MUTYH: variants seen among roughly 807,000 people sequenced by gnomAD.
The protein encoded by MUTYH is adenine DNA glycosylase.
Under a neutral mutation model 72.9 loss-of-function variants are expected in MUTYH, and 64 were observed. That is an observed-to-expected ratio of 0.88 (90% CI 0.72 to 1.08). The LOEUF is 1.08. Among genes scored for constraint, MUTYH ranks in the 50% least tolerant of loss-of-function variants. The pLI is 0.00. For synonymous variants in MUTYH, 234 were observed against 263.1 expected, an observed-to-expected ratio of 0.89 and a Z score of 1.07; for missense variants, 633 against 671.0, an observed-to-expected ratio of 0.94 and a Z score of 0.63.
chr1:45,333,051 A>C, intron 5 of MUTYH, 46 bp downstream of exon 5: 2 of 1,612,738 alleles, frequency 1.2e-6, no homozygotes, highest in Non-Finnish European at 1.7e-6. Flanking sequence ...AGAGGCTCTC[A>C]TCTGGGGTCT....
At position 45,330,380 on chromosome 1, in the gene MUTYH, C is replaced by T. The variant is rs966768206; in HGVS notation, c.1434+136G>A. 3.9e-6 allele frequency: 4 copies of T among 1,038,082 alleles called. No individual in the cohort carries two copies. In the African/African-American group the frequency reaches 4.8e-5, roughly 12 times the overall value. 64.3% of individuals were successfully genotyped at this position (1,038,082 alleles called of 1,614,324 possible). On this transcript the variant is annotated intron_variant, in intron 15 of 15. Coordinates refer to ENST00000456914, the MANE Select transcript of MUTYH (RefSeq NM_001048174.2). The stretch of plus-strand genomic sequence containing the variant: ...CCTGCACCCCACAATGGAAGGTCTC[C>T]AGGTCAAGAACTATTCCTCCCTCCA...
intron 15 of MUTYH, 105 bp downstream of exon 15, chr1:45,330,411 G>A (rs993160057): frequency 1.6e-6 from 2 of 1,260,258 alleles, no homozygotes; most frequent in Non-Finnish European, 2.3e-6. Flanking sequence ...CTCCAGTGAA[G>A]CCTGGAGTGG....
At chr1:45,340,097 C>G, upstream of MUTYH, 1 of 1,550,454 alleles carries the variant, frequency 6.4e-7, no homozygotes, top group Middle Eastern at 2.0e-4. Flanking sequence ...AGGCTGCCTT[C>G]CCCGCGCCGG....
In MUTYH at chr1:45,330,443, G is replaced by A. The variant is rs3219495; in HGVS notation, c.1434+73C>T. 0.013 allele frequency: 18,919 copies of A among 1,470,990 alleles called. 2,054 individuals are homozygous for A. The African/African-American group carries it at 0.23, about 18-fold the overall frequency. The allele number at this position is 1,470,990 out of a possible 1,614,324, so 91.1% of individuals were successfully genotyped here. On this transcript the variant is annotated intron_variant, in intron 15 of 15. Coordinates refer to ENST00000456914, the MANE Select transcript of MUTYH (RefSeq NM_001048174.2). ...GTGGAGAATGTTCACCCAGACATTC[G>A]TTAGTTAACTGACTAAAAACCTATG... is the stretch of plus-strand genomic sequence containing the variant.
chr1:45,338,350 G>A, intron 1 of MUTYH: 1 of 498,718 alleles, frequency 2.0e-6, no homozygotes, highest in Admixed American at 2.4e-5. Flanking sequence ...CCTCAAGTGT[G>A]TCTGCCCACC....
At position 45,333,084 on chromosome 1, in the gene MUTYH, C is replaced by T. The variant is rs1553129511; in HGVS notation, c.378+13G>A. The T allele has an allele frequency of 2.5e-6, 4 of 1,614,198 alleles. No individual in the cohort carries two copies. Among genetic ancestry groups the T allele is most frequent in the Non-Finnish European group, 2.5e-6 (3 of 1,180,024 alleles). On this transcript the variant is annotated intron_variant, in intron 5 of 15. Transcript: ENST00000456914. ...TCTGACCCATGACCCTTCCCTTCCT[C>T]CCCTGGAGTCACCTGCATCCATCCG...
intron 2 of MUTYH, 102 bp from the exon 3 acceptor site, chr1:45,333,663 C>A (rs1012545880): frequency 1.3e-6 from 2 of 1,516,796 alleles, no homozygotes; most frequent in African/African-American, 2.8e-5. Flanking sequence ...CTTAGGGCTT[C>A]CCCCAACTAA....
At chr1:45,340,304 G>A (rs2149249877), upstream of MUTYH, 1 of 1,612,552 alleles carries the variant, frequency 6.2e-7, no homozygotes, top group African/African-American at 1.3e-5. Flanking sequence ...AGCTTCCGAC[G>A]GTGAGCGGCT....
chr1:45,331,228 G>T lies in MUTYH; in HGVS notation c.1346C>A (p.Thr449Lys), dbSNP rs767747402. ...AGCTGCGGTGTGAAATTCCTCCTGC[G>T]TCAGCCAGCGAGCACCTGGTGGTAC... ...TTVPPGARWL[T>K]QEEFHTAAVS... Residue 449 changes from threonine (T) to lysine (K), a missense_variant, in exon 14 of 16, where the codon ACG (threonine) becomes AAG (lysine). Transcript: ENST00000456914. The T allele has an allele frequency of 3.7e-6, 6 of 1,614,078 alleles. No homozygotes were observed. In the African/African-American group the frequency reaches 6.7e-5, roughly 18 times the overall value.
intron 1 of MUTYH, 129 bp from the exon 2 acceptor site, chr1:45,334,640 A>C: frequency 1.5e-6 from 2 of 1,356,360 alleles, no homozygotes; most frequent in Non-Finnish European, 2.1e-6. Context: ...AAGCACTCTC[A>C]AGATGCTCAC....
chr1:45,333,115 G>C lies in MUTYH; in HGVS notation c.360C>G (p.Tyr120Ter), dbSNP rs1570433022. The C allele has an allele frequency of 6.2e-7, 1 of 1,614,170 alleles. No individual in the cohort carries two copies. ...QQTQVATVIN[Y>*]YTGWMQKWPT... The stretch of plus-strand genomic sequence containing the variant: ...GAGTCACCTGCATCCATCCGGTATA[G>C]TAGTTGATCACAGTGGCAACCTGGG... The change falls in exon 5 of 16, where the codon TAC becomes TAG. Residue 120 changes from tyrosine (Y) to a stop codon, truncating the protein, a stop_gained. Transcript: ENST00000456914. LOFTEE classifies it high-confidence loss of function.
At position 45,333,623 on chromosome 1, in the gene MUTYH, G is replaced by A. The variant is rs1553130621; in HGVS notation, c.116-62C>T. The A allele has an allele frequency of 6.3e-7, 1 of 1,593,016 alleles. No homozygotes were observed. ...CACAGGCTGTGCATCAGGGTCTTGG[G>A]ACACAGCAGCCTGTGGCAGTATGCT... On this transcript the variant is annotated intron_variant, in intron 2 of 15. Transcript: ENST00000456914.
At chr1:45,340,089 G>A (rs1570586760), upstream of MUTYH, 1 of 1,547,662 alleles carries the variant, frequency 6.5e-7, no homozygotes, top group African/African-American at 1.4e-5. Context: ...CGCGCGCCAG[G>A]CTGCCTTCCC....
Position 45,331,794 on chromosome 1 carries a change from C to G in MUTYH, c.969G>C (p.Gln323His), listed in dbSNP as rs1553126817. 3.1e-6 allele frequency: 5 copies of G among 1,612,854 alleles called. No homozygotes were observed. The highest frequency in any genetic ancestry group is 4.2e-6 in the Non-Finnish European group (5 of 1,179,350). The change falls in exon 12 of 16, where the codon CAG becomes CAC. Residue 323 changes from glutamine (Q) to histidine (H), a missense_variant. Gln to His is a conservative substitution (Grantham distance 24). Coordinates refer to ENST00000456914, the MANE Select transcript of MUTYH (RefSeq NM_001048174.2). ...TGGGGAAGTTGACCACTCCCAGGGT[C>G]TGGTCCCAGGGCTCCGAGGGAGGCA... Reference protein sequence around the residue: ...LCLPPSEPWDQTLGVVNFPRK... With the variant: ...LCLPPSEPWDHTLGVVNFPRK...
At chr1:45,340,399 G>C, upstream of MUTYH, 1 of 1,544,034 alleles carries the variant, frequency 6.5e-7, no homozygotes, top group Non-Finnish European at 8.7e-7. Flanking sequence ...TCAAGCTTCA[G>C]AGGACTGCTC....
At chr1:45,335,597 C>T (rs1372236183) in intron 1 of MUTYH, among the ~76,000 whole-genome samples, 1 of 152,170 alleles carries the variant, frequency 6.6e-6, no homozygotes, top group Non-Finnish European at 1.5e-5. Context: ...TGGCTCATGC[C>T]TGTAATCCCA....
At chr1:45,335,403 C>T (rs543889503) in intron 1 of MUTYH, among the ~76,000 whole-genome samples, 2 of 152,060 alleles carry the variant, frequency 1.3e-5, no homozygotes, top group Non-Finnish European at 2.9e-5. Flanking sequence ...ACTCTCCCCC[C>T]AAACCTTTGA....
chr1:45,330,693 T>A, intron 14 of MUTYH, 136 bp from the exon 15 acceptor site: 1 of 1,082,038 alleles, frequency 9.2e-7, no homozygotes, highest in Non-Finnish European at 1.4e-6. Flanking sequence ...CTCACGCCTA[T>A]AATCCCAGCA....
At chr1:45,332,543 C>A (rs774327115) in intron 8 of MUTYH, 31 bp downstream of exon 8, 1 of 1,613,796 alleles carries the variant, frequency 6.2e-7, no homozygotes, top group Non-Finnish European at 8.5e-7. Flanking sequence ...AGGCTGGGCA[C>A]GCACAAAGTG....
Sources: gnomAD v4.1 joint callset for allele counts (sites outside exome capture counted in the v4.1 genomes callset) on GRCh38, gnomAD v4.1.1 for gene constraint, MANE v1.5 for transcripts, NCBI Gene and HGNC (gene_info 2026-07-23, HGNC 2026-07-21) for gene names.